CAVIN1: variants seen among roughly 807,000 people sequenced by gnomAD.
The protein encoded by CAVIN1 is caveolae associated protein 1, also known as caveolae-associated protein 1.
A neutral mutation model predicts 24.0 loss-of-function variants in CAVIN1; 16 were observed. That is an observed-to-expected ratio of 0.67 (90% CI 0.45 to 1.01). The LOEUF (loss-of-function observed/expected upper bound fraction) is 1.01. Ranked by LOEUF, CAVIN1 falls within the 50% of genes least tolerant of loss-of-function variation. CAVIN1 has a pLI of 0.00. For synonymous variants in CAVIN1, 256 were observed against 256.4 expected, an observed-to-expected ratio of 1.00 and a Z score of 0.02; for missense variants, 510 against 551.7, an observed-to-expected ratio of 0.92 and a Z score of 0.76.
intron 1 of CAVIN1, among the ~76,000 whole-genome samples, chr17:42,409,127 G>A (rs1371466946): frequency 1.3e-5 from 2 of 151,462 alleles, no homozygotes; most frequent in Non-Finnish European, 2.9e-5. Flanking sequence ...TTGAGATGGG[G>A]TCTTGTTCTG....
rs202034806 is a variant in CAVIN1 at position 42,404,843 on chromosome 17, G to C, written c.1017C>G (p.Thr339=). The C allele has an allele frequency of 5.7e-5, 92 of 1,613,734 alleles. No individual in the cohort carries two copies. The Admixed American group carries it at 1.0e-3, about 18-fold the overall frequency. Residue 339 remains threonine, a synonymous_variant, in exon 2 of 2, where the codon ACC becomes ACG. Transcript: ENST00000357037. ...CGTCGGCGCCCACCTCCACCATCTC[G>C]GTGGCCTTGAGCACTTCCACCTGGC... ...REGQVEVLKA[T]EMVEVGADDD... is the part of the protein sequence containing the mutation.
In CAVIN1 at chr17:42,419,881, TCG is replaced by T. The variant is rs1491241571; in HGVS notation, c.471+2744_471+2745del. The stretch of plus-strand genomic sequence containing the variant: ...ACCTTGGGGTGGGAGGTGCTGAATT[TCG>T]TGTGTGTGTGTGTGTGTGTGTGTGT... On this transcript the variant is annotated intron_variant, in intron 1 of 1. Transcript: ENST00000357037. Among the ~76,000 whole-genome samples the T allele has an allele frequency of 2.5e-5, 3 of 120,146 alleles. No homozygotes were observed. The East Asian group carries it at 6.7e-4, about 27-fold the overall frequency. 78.8% of individuals were successfully genotyped at this position (120,146 alleles called of 152,430 possible).
At chr17:42,414,259 G>A (rs2085498792) in intron 1 of CAVIN1, among the ~76,000 whole-genome samples, 1 of 152,028 alleles carries the variant, frequency 6.6e-6, no homozygotes, top group Admixed American at 6.6e-5. Context: ...CCCAAATGAG[G>A]AGAGGGATAG....
At position 42,405,203 on chromosome 17, in the gene CAVIN1, C is replaced by T. The variant is rs775174149; in HGVS notation, c.657G>A (p.Glu219=). Residue 219 remains glutamate (E), a synonymous_variant, in exon 2 of 2, where the codon GAG becomes GAA. Coordinates refer to ENST00000357037, the MANE Select transcript of CAVIN1 (RefSeq NM_012232.6). ...GCCGCAGGCCGCTGCGCTTGATACGCTCTGCGCGGGACTCCTCAATAACCT... is the reference window on the plus strand; with the variant it reads ...GCCGCAGGCCGCTGCGCTTGATACGTTCTGCGCGGGACTCCTCAATAACCT... The part of the protein sequence containing the change: ...VEEVIEESRA[E]RIKRSGLRRV... 4 of 1,613,964 alleles carry T rather than the reference C, an allele frequency of 2.5e-6. No individual in the cohort carries two copies. The highest frequency in any genetic ancestry group is 1.1e-5 in the South Asian group (1 of 91,086).
intron 1 of CAVIN1, chr17:42,411,492 C>T (rs1043616055): frequency 1.0e-6 from 1 of 985,184 alleles, no homozygotes; most frequent in Non-Finnish European, 1.2e-6. Context: ...CTCCTGGCAT[C>T]TGTGAGTTGG....
rs555569816 is a variant in CAVIN1, at chr17:42,418,229, CT to C, written c.471+4397del. On this transcript the variant is annotated intron_variant, in intron 1 of 1. Transcript: ENST00000357037. ...ATTAAGCAATGCGTGACTGTATTTC[CT>C]TTTTTTTTTTTTTTTTTTGAGACCA... Among the ~76,000 whole-genome samples the C allele has an allele frequency of 3.4e-3, 446 of 129,454 alleles. 2 individuals carry two copies. Among genetic ancestry groups the C allele is most frequent in the East Asian group, 0.021 (95 of 4,452 alleles). 84.9% of individuals were successfully genotyped at this position (129,454 alleles called of 152,430 possible). A position where few individuals can be genotyped will look rare whatever the true frequency, so the allele number is the denominator to read the frequency against.
rs952867125 is a variant in CAVIN1 at position 42,423,071 on chromosome 17, G to T, written c.27C>A (p.Val9=). The T allele has an allele frequency of 1.3e-6, 2 of 1,598,666 alleles. No individual in the cohort carries two copies. Among genetic ancestry groups the T allele is most frequent in the South Asian group, 1.1e-5 (1 of 89,578 alleles). The stretch of plus-strand genomic sequence containing the variant: ...CGGGGTACCCGGGAAGCGGCCGCTC[G>T]ACAATATAGAGCGTGGGGTCCTCCA... MEDPTLYI[V]ERPLPGYPDA... is the part of the protein sequence containing the mutation. Residue 9 remains valine (V), a synonymous_variant, in exon 1 of 2, where the codon GTC becomes GTA. Coordinates refer to ENST00000357037, the MANE Select transcript of CAVIN1 (RefSeq NM_012232.6).
chr17:42,422,537 G>A, intron 1 of CAVIN1, 90 bp downstream of exon 1: 3 of 842,370 alleles, frequency 3.6e-6, no homozygotes, highest in South Asian at 3.2e-5. Flanking sequence ...GGGGAGCAGC[G>A]CCACGGGCAG....
At chr17:42,406,009 A>T (rs941912016) in intron 1 of CAVIN1, among the ~76,000 whole-genome samples, 2 of 152,128 alleles carry the variant, frequency 1.3e-5, no homozygotes, top group African/African-American at 2.4e-5. Context: ...TCTCTAAAAA[A>T]CATGTGTGTT....
Position 42,404,575 on chromosome 17 carries a change from A to AG in CAVIN1, c.*111dup. On this transcript the variant is annotated 3_prime_UTR_variant, in exon 2 of 2. Coordinates refer to ENST00000357037, the MANE Select transcript of CAVIN1 (RefSeq NM_012232.6). Reference sequence around the variant, plus strand: ...GAGTGGAGTTCCTGGAGGTGTGGGGAGGGGGGCGTGTTTTCAATTTAGAAA... The same window carrying AG: ...GAGTGGAGTTCCTGGAGGTGTGGGGAGGGGGGGCGTGTTTTCAATTTAGAAA... 3 of 683,498 alleles carry AG rather than the reference A, an allele frequency of 4.4e-6. No individual in the cohort carries two copies. Among genetic ancestry groups the AG allele is most frequent in the South Asian group, 2.2e-5 (1 of 44,496 alleles). 42.3% of individuals were successfully genotyped at this position (683,498 alleles called of 1,614,324 possible).
rs191994100 is a variant in CAVIN1, at chr17:42,407,941, T to A, written c.472-2553A>T. ...ACCCTGCCTGCTACTGGAGTGCATA[T>A]CATTTAAGACTTATACATCATTGTA... On this transcript the variant is annotated intron_variant, in intron 1 of 1. Transcript: ENST00000357037. Among the ~76,000 whole-genome samples the A allele has an allele frequency of 2.2e-4, 33 of 152,180 alleles. 1 individual carries two copies. Among genetic ancestry groups the A allele is most frequent in the Admixed American group, 5.9e-4 (9 of 15,274 alleles).
chr17:42,405,239 C>T lies in CAVIN1; in HGVS notation c.621G>A (p.Val207=). ...AALELSSDEA[V]EVEEVIEESR... ...ACTCCTCAATAACCTCCTCAACCTC[C>T]ACCGCCTCGTCCGACGAAAGCTCCA... Residue 207 remains valine, a synonymous_variant, in exon 2 of 2, where the codon GTG becomes GTA. Coordinates refer to ENST00000357037, the MANE Select transcript of CAVIN1 (RefSeq NM_012232.6). The T allele has an allele frequency of 3.1e-6, 5 of 1,613,854 alleles. No homozygotes were observed. Among genetic ancestry groups the T allele is most frequent in the Non-Finnish European group, 4.2e-6 (5 of 1,179,958 alleles).
rs559527150 is a variant in CAVIN1 at position 42,405,284 on chromosome 17, G to C, written c.576C>G (p.Pro192=). 5.6e-6 allele frequency: 9 copies of C among 1,612,030 alleles called. No homozygotes were observed. The highest frequency in any genetic ancestry group is 1.6e-4 in the Middle Eastern group (1 of 6,082). ...EGEELGEGER[P]EEDAAALELS... is the part of the protein sequence containing the mutation. ...GCTCCAGCGCCGCTGCGTCCTCCTC[G>C]GGCCGCTCGCCCTCGCCCAGCTCCT... Residue 192 remains proline, a synonymous_variant, in exon 2 of 2, where the codon CCC becomes CCG. Coordinates refer to ENST00000357037, the MANE Select transcript of CAVIN1 (RefSeq NM_012232.6).
chr17:42,414,425 G>A (rs1214895400), intron 1 of CAVIN1, among the ~76,000 whole-genome samples: 4 of 150,230 alleles, frequency 2.7e-5, no homozygotes, highest in Non-Finnish European at 5.9e-5. Context: ...TTTTTTTTAA[G>A]ATAGAGTCTC....
chr17:42,412,323 T>C (rs2085484040), intron 1 of CAVIN1: 4 of 978,780 alleles, frequency 4.1e-6, no homozygotes, highest in Non-Finnish European at 4.8e-6. Context: ...AGGGCCTTGG[T>C]GGCATGCAGA....
chr17:42,417,589 C>T (rs2085519808), intron 1 of CAVIN1, among the ~76,000 whole-genome samples: 1 of 152,082 alleles, frequency 6.6e-6, no homozygotes, highest in Non-Finnish European at 1.5e-5. Flanking sequence ...AACAAGCCTG[C>T]TGCACTACCA....
In CAVIN1 at chr17:42,413,563, AG is replaced by A. The variant is rs145157201; in HGVS notation, c.472-8176del. Among the ~76,000 whole-genome samples, 82 of 71,820 alleles carry A rather than the reference AG, an allele frequency of 1.1e-3. 2 individuals carry two copies. Among genetic ancestry groups the A allele is most frequent in the African/African-American group, 4.4e-3 (77 of 17,634 alleles). The allele number at this position is 71,820 out of a possible 152,430, so 47.1% of individuals were successfully genotyped here. ...GACAGAGCAAAAGTCTGTCTCAAAA[AG>A]GGAAAAAAAAAAAAAAAAAAAAAAA... On this transcript the variant is annotated intron_variant, in intron 1 of 1. Transcript: ENST00000357037.
intron 1 of CAVIN1, chr17:42,411,897 C>T (rs1353328741): frequency 1.0e-5 from 10 of 985,420 alleles, no homozygotes; most frequent in South Asian, 4.7e-5. Flanking sequence ...CTTTGCATAA[C>T]GCCAGTGTTC....
chr17:42,416,593 CAAAAAAAAA>C (rs34249867), intron 1 of CAVIN1, among the ~76,000 whole-genome samples: 2 of 54,462 alleles, frequency 3.7e-5, no homozygotes, highest in Non-Finnish European at 6.7e-5. Flanking sequence ...GATCCTTTCT[CAAAAAAAAA>C]AAAAAAAAAA....
Sources: gnomAD v4.1 joint callset for allele counts (sites outside exome capture counted in the v4.1 genomes callset) on GRCh38, gnomAD v4.1.1 for gene constraint, MANE v1.5 for transcripts, NCBI Gene and HGNC (gene_info 2026-07-23, HGNC 2026-07-21) for gene names.